Variants in ADGRA3 observed in about 807,000 individuals in gnomAD.
ADGRA3 encodes the protein G-protein coupled receptor 125.
In ADGRA3, 56 loss-of-function variants were observed where a neutral mutation model predicts 119.8. The observed-to-expected ratio is 0.47, with a 90% CI of 0.38 to 0.58. ADGRA3 has a LOEUF of 0.58. Ranked by LOEUF, ADGRA3 falls within the 20% of genes least tolerant of loss-of-function variation. The pLI, the probability that ADGRA3 is intolerant of heterozygous loss-of-function variation, is 0.00. For synonymous variants in ADGRA3, 607 were observed against 623.8 expected (o/e 0.97, Z 0.40); for missense variants, 1,516 against 1,649.0 (o/e 0.92, Z 1.40).
intron 1 of ADGRA3, among the ~76,000 whole-genome samples, chr4:22,495,246 A>G (rs998259404): frequency 6.6e-6 from 1 of 151,948 alleles, no homozygotes; most frequent in African/African-American, 2.4e-5. Context: ...AGGACAGCAC[A>G]AGACTTCTTC....
chr4:22,487,057 C>G (rs1718454030), intron 1 of ADGRA3, among the ~76,000 whole-genome samples: 1 of 152,126 alleles, frequency 6.6e-6, no homozygotes, highest in Non-Finnish European at 1.5e-5. Context: ...GGCTATTGTG[C>G]TCTCTCCTGA....
chr4:22,431,235 T>C (rs932889405), intron 10 of ADGRA3, among the ~76,000 whole-genome samples: 14 of 101,438 alleles, frequency 1.4e-4, no homozygotes, highest in South Asian at 6.1e-4. Flanking sequence ...CCCAGAATGA[T>C]AGATCCACCA....
chr4:22,404,847 T>C (rs889875070), intron 14 of ADGRA3, among the ~76,000 whole-genome samples: 3 of 152,196 alleles, frequency 2.0e-5, no homozygotes, highest in Non-Finnish European at 4.4e-5. Context: ...ACCAGTTAGA[T>C]GCTAGTGAGA....
intron 1 of ADGRA3, among the ~76,000 whole-genome samples, chr4:22,475,164 T>C (rs1036899849): frequency 4.6e-5 from 7 of 152,192 alleles, no homozygotes; most frequent in African/African-American, 1.7e-4. Context: ...TATGTTGACT[T>C]TAGGCGAGTC....
At chr4:22,452,784 CA>C (rs1300113827) in intron 4 of ADGRA3, among the ~76,000 whole-genome samples, 1 of 152,158 alleles carries the variant, frequency 6.6e-6, no homozygotes, top group African/African-American at 2.4e-5. Flanking sequence ...CTAAAATCAA[CA>C]AAATAGTAGG....
At chr4:22,410,950 T>C (rs1214973809) in intron 14 of ADGRA3, among the ~76,000 whole-genome samples, 3 of 152,154 alleles carry the variant, frequency 2.0e-5, no homozygotes, top group Non-Finnish European at 2.9e-5. Context: ...TTTTAAGAGA[T>C]TAAAAGTCTG....
chr4:22,417,460 T>A (rs1715475584), intron 12 of ADGRA3, among the ~76,000 whole-genome samples: 1 of 152,326 alleles, frequency 6.6e-6, no homozygotes, highest in African/African-American at 2.4e-5. Flanking sequence ...TCTACATATT[T>A]ACCTCACTTA....
chr4:22,410,826 C>T (rs1715160171), intron 14 of ADGRA3, among the ~76,000 whole-genome samples: 3 of 152,074 alleles, frequency 2.0e-5, no homozygotes, highest in African/African-American at 7.2e-5. Context: ...TTTCTCTTTG[C>T]TGCCTCTAGA....
chr4:22,488,929 GA>G (rs1173499402), intron 1 of ADGRA3, among the ~76,000 whole-genome samples: 1 of 152,126 alleles, frequency 6.6e-6, no homozygotes, highest in Non-Finnish European at 1.5e-5. Context: ...ATAGAAAGTA[GA>G]ATAGAGGTTA....
intron 7 of ADGRA3, among the ~76,000 whole-genome samples, chr4:22,439,112 C>G (rs1027178141): frequency 6.6e-6 from 1 of 152,054 alleles, no homozygotes; most frequent in Non-Finnish European, 1.5e-5. Flanking sequence ...CTCACAGATT[C>G]TGAAGAAAAT....
At chr4:22,462,615 T>G (rs1343140147) in intron 2 of ADGRA3, among the ~76,000 whole-genome samples, 1 of 152,192 alleles carries the variant, frequency 6.6e-6, no homozygotes, top group Non-Finnish European at 1.5e-5. Context: ...GCACTCAGCC[T>G]ACGGTTAGGT....
At position 22,496,715 on chromosome 4, in the gene ADGRA3, TG is replaced by T. The variant is rs549512336; in HGVS notation, c.257+18812del. Among the ~76,000 whole-genome samples the T allele has an allele frequency of 6.2e-4, 95 of 152,352 alleles. 1 individual carries two copies. The highest frequency in any genetic ancestry group is 2.1e-3 in the African/African-American group (88 of 41,584). The stretch of plus-strand genomic sequence containing the variant: ...GCTGAGCCAATGTTAAAGTAGGTAT[TG>T]GAAACTCTACTTCAAACGGTGAGGA... On this transcript the variant is annotated intron_variant, in intron 1 of 18. Transcript: ENST00000334304.
intron 4 of ADGRA3, among the ~76,000 whole-genome samples, chr4:22,454,235 T>G (rs1717165328): frequency 6.6e-6 from 1 of 152,094 alleles, no homozygotes; most frequent in Admixed American, 6.5e-5. Flanking sequence ...ACATTTATAT[T>G]CTATATAAAT....
intron 3 of ADGRA3, among the ~76,000 whole-genome samples, chr4:22,460,525 C>T (rs1717406636): frequency 6.6e-6 from 1 of 152,198 alleles, no homozygotes; most frequent in African/African-American, 2.4e-5. Context: ...TGGACTTTAT[C>T]TACCATTAGT....
At chr4:22,407,320 T>C (rs1577328572) in intron 14 of ADGRA3, among the ~76,000 whole-genome samples, 2 of 152,140 alleles carry the variant, frequency 1.3e-5, no homozygotes, top group South Asian at 4.1e-4. Context: ...AATTTTAGAA[T>C]ACCAGGATAG....
chr4:22,489,420 C>G (rs1183382306), intron 1 of ADGRA3, among the ~76,000 whole-genome samples: 1 of 152,108 alleles, frequency 6.6e-6, no homozygotes, highest in African/African-American at 2.4e-5. Context: ...CCACAGGCAA[C>G]TGTCTTTAAT....
chr4:22,396,406 A>T (rs1714356631), intron 16 of ADGRA3, among the ~76,000 whole-genome samples: 1 of 152,208 alleles, frequency 6.6e-6, no homozygotes, highest in African/African-American at 2.4e-5. Context: ...ACATAAAAAC[A>T]TGTACACATG....
At chr4:22,480,250 C>A (rs866618953) in intron 1 of ADGRA3, among the ~76,000 whole-genome samples, 1 of 152,118 alleles carries the variant, frequency 6.6e-6, no homozygotes, top group African/African-American at 2.4e-5. Context: ...AAGGGATGTA[C>A]GACAACCTTA....
In ADGRA3 at chr4:22,388,068, G is replaced by A. The variant is rs772250586; in HGVS notation, c.3603C>T (p.Ser1201=). The A allele has an allele frequency of 2.7e-5, 44 of 1,613,996 alleles. No homozygotes were observed. The highest frequency in any genetic ancestry group is 1.7e-5 in the Admixed American group (1 of 59,994). Residue 1201 remains serine, a synonymous_variant, in exon 19 of 19, where the codon AGC becomes AGT. Coordinates refer to ENST00000334304, the MANE Select transcript of ADGRA3 (RefSeq NM_145290.4). The part of the protein sequence containing the change: ...AYDVPTSVEG[S]VQNGLPKSRL... Reference sequence around the variant, plus strand: ...GGCTTTTAGGTAAGCCGTTCTGCACGCTTCCTTCCACGCTCGTTGGGACAT... The same window carrying A: ...GGCTTTTAGGTAAGCCGTTCTGCACACTTCCTTCCACGCTCGTTGGGACAT...
Sources: gnomAD v4.1 joint callset for allele counts (sites outside exome capture counted in the v4.1 genomes callset) on GRCh38, gnomAD v4.1.1 for gene constraint, MANE v1.5 for transcripts, NCBI Gene and HGNC (gene_info 2026-07-23, HGNC 2026-07-21) for gene names.